The following TAFA1 variants were observed in gnomAD, a reference collection of about 807,000 sequenced individuals.
TAFA1 encodes the protein TAFA chemokine like family member 1.
In TAFA1, 4 loss-of-function variants were observed where a neutral mutation model predicts 18.5. That is an observed-to-expected ratio of 0.22 (90% CI 0.11 to 0.49). The LOEUF (loss-of-function observed/expected upper bound fraction) is 0.49. Among genes scored for constraint, TAFA1 ranks in the 20% least tolerant of loss-of-function variants. The pLI is 0.98. For synonymous variants in TAFA1, 56 were observed against 55.2 expected, an observed-to-expected ratio of 1.01 and a Z score of -0.06; for missense variants, 147 against 169.0, an observed-to-expected ratio of 0.87 and a Z score of 0.72.
chr3:68,181,446 A>G (rs2066198337), intron 2 of TAFA1, among the ~76,000 whole-genome samples: 1 of 152,094 alleles, frequency 6.6e-6, no homozygotes, highest in Non-Finnish European at 1.5e-5. Context: ...GTTCCAGTGA[A>G]TATAGTTTTG....
chr3:68,426,201 A>T (rs2071049725), intron 3 of TAFA1, among the ~76,000 whole-genome samples: 1 of 151,930 alleles, frequency 6.6e-6, no homozygotes, highest in African/African-American at 2.4e-5. Context: ...TCAATTAAAA[A>T]TTTTTACAAA....
At chr3:68,475,318 C>T (rs1446143162) in intron 3 of TAFA1, among the ~76,000 whole-genome samples, 1 of 151,378 alleles carries the variant, frequency 6.6e-6, no homozygotes, top group African/African-American at 2.4e-5. Context: ...CATCCCCCCA[C>T]CCCACAACAG....
intron 3 of TAFA1, among the ~76,000 whole-genome samples, chr3:68,434,836 C>T (rs1022177939): frequency 6.6e-6 from 1 of 152,060 alleles, no homozygotes; most frequent in African/African-American, 2.4e-5. Flanking sequence ...TCAAGAGAAA[C>T]ATGTCTAATA....
intron 3 of TAFA1, among the ~76,000 whole-genome samples, chr3:68,491,688 A>G (rs547329964): frequency 6.6e-6 from 1 of 152,184 alleles, no homozygotes; most frequent in South Asian, 2.1e-4. Context: ...CTTAAAGTAT[A>G]ATAAATAAAT....
At chr3:68,362,103 ATGGAGTTTATAAATTGAAT>A (rs2069478247) in intron 2 of TAFA1, among the ~76,000 whole-genome samples, 1 of 152,152 alleles carries the variant, frequency 6.6e-6, no homozygotes, top group Non-Finnish European at 1.5e-5. Context: ...TTTTGTTGGT[ATGGAGTTTATAAATTGAAT>A]TTATAAACTA....
At chr3:68,494,605 A>C (rs2072512752) in intron 3 of TAFA1, among the ~76,000 whole-genome samples, 1 of 152,202 alleles carries the variant, frequency 6.6e-6, no homozygotes, top group African/African-American at 2.4e-5. Context: ...TCCAGTAGTC[A>C]TCTTGGTTCA....
intron 2 of TAFA1, among the ~76,000 whole-genome samples, chr3:68,275,790 A>C (rs2067784385): frequency 1.3e-5 from 2 of 152,226 alleles, no homozygotes; most frequent in South Asian, 4.1e-4. Flanking sequence ...TTTAATACAC[A>C]GAAAGAAAGA....
intron 2 of TAFA1, among the ~76,000 whole-genome samples, chr3:68,232,649 G>A (rs781678826): frequency 2.0e-4 from 30 of 151,664 alleles, no homozygotes; most frequent in African/African-American, 6.3e-4. Context: ...TATGTCACCC[G>A]GGCTGGAGTA....
chr3:68,537,617 T>C (rs2073296700), intron 3 of TAFA1, among the ~76,000 whole-genome samples: 2 of 152,188 alleles, frequency 1.3e-5, no homozygotes, highest in African/African-American at 4.8e-5. Flanking sequence ...AAAGCCTGGT[T>C]GTATCAGTGC....
intron 2 of TAFA1, among the ~76,000 whole-genome samples, chr3:68,147,605 T>C (rs1157134911): frequency 4.6e-5 from 7 of 152,170 alleles, no homozygotes; most frequent in African/African-American, 1.4e-4. Flanking sequence ...AAACCACCCA[T>C]GGCATTGAAT....
At chr3:67,995,095 C>T in the TAFA1 span, among the ~76,000 whole-genome samples, 1 of 152,106 alleles carries the variant, frequency 6.6e-6, no homozygotes, top group Non-Finnish European at 1.5e-5. Flanking sequence ...TAGCTATTAT[C>T]GTACCAAGCA....
At chr3:68,093,745 C>T (rs2065055076) in intron 2 of TAFA1, among the ~76,000 whole-genome samples, 1 of 141,164 alleles carries the variant, frequency 7.1e-6, no homozygotes, top group Non-Finnish European at 1.6e-5. Context: ...TTTATTACTC[C>T]CCCTGAGGAT....
At chr3:68,164,654 TGTGTGTGG>T (rs1167455525) in intron 2 of TAFA1, among the ~76,000 whole-genome samples, 2 of 151,740 alleles carry the variant, frequency 1.3e-5, no homozygotes, top group Middle Eastern at 3.2e-3. Context: ...TGTGTGTGTG[TGTGTGTGG>T]GAGGTAGTTA....
intron 2 of TAFA1, among the ~76,000 whole-genome samples, chr3:68,258,481 C>T (rs376903229): frequency 1.1e-4 from 17 of 152,240 alleles, no homozygotes; most frequent in African/African-American, 3.4e-4. Flanking sequence ...TCTATTCACT[C>T]AAAAGTATTT....
intron 2 of TAFA1, among the ~76,000 whole-genome samples, chr3:68,280,331 C>T (rs1017836079): frequency 4.6e-5 from 7 of 152,084 alleles, no homozygotes; most frequent in African/African-American, 1.7e-4. Flanking sequence ...ACCATTGATC[C>T]GTTTAACAAC....
chr3:68,118,720 G>A (rs772309738), intron 2 of TAFA1, among the ~76,000 whole-genome samples: 2 of 151,988 alleles, frequency 1.3e-5, no homozygotes, highest in Non-Finnish European at 2.9e-5. Context: ...TCCTTTTTTA[G>A]GCTGAATGAT....
chr3:68,171,304 G>A lies in TAFA1; in HGVS notation c.118+164560G>A, dbSNP rs563009108. Among the ~76,000 whole-genome samples the A allele has an allele frequency of 3.3e-5, 5 of 152,110 alleles. No individual in the cohort carries two copies. The East Asian group carries it at 9.6e-4, about 29-fold the overall frequency. On this transcript the variant is annotated intron_variant, in intron 2 of 4. Transcript: ENST00000478136. ...GAAGGTAGACAGCCTCTAGAAGCTG[G>A]AAGTCAAGAAAATAGATTGTTCTAT...
intron 2 of TAFA1, among the ~76,000 whole-genome samples, chr3:68,072,517 G>T (rs1559726202): frequency 6.6e-6 from 1 of 152,160 alleles, no homozygotes; most frequent in Non-Finnish European, 1.5e-5. Flanking sequence ...AGACCTGCAG[G>T]AGTCCAGGTG....
At chr3:68,078,690 A>T (rs1349082904) in intron 2 of TAFA1, among the ~76,000 whole-genome samples, 1 of 151,910 alleles carries the variant, frequency 6.6e-6, no homozygotes, top group Non-Finnish European at 1.5e-5. Flanking sequence ...AAGCTTTTTG[A>T]TGTGCTGCTG....
Sources: allele counts gnomAD v4.1 joint callset (sites outside exome capture counted in the v4.1 genomes callset), GRCh38; gene constraint gnomAD v4.1.1; transcripts MANE v1.5; gene names NCBI Gene and HGNC (gene_info 2026-07-23, HGNC 2026-07-21).